SEPTIN3: variants seen among roughly 807,000 people sequenced by gnomAD.
SEPTIN3 encodes the protein neuronal-specific septin-3.
Under a neutral mutation model 45.1 loss-of-function variants are expected in SEPTIN3, and 15 were observed. The observed-to-expected ratio is 0.33, with a 90% CI of 0.22 to 0.51. SEPTIN3 has a LOEUF of 0.51. SEPTIN3 is among the 20% of genes least tolerant of loss of function. The pLI is 0.97. For synonymous variants in SEPTIN3, 148 were observed against 164.8 expected, an observed-to-expected ratio of 0.90 and a Z score of 0.78; for missense variants, 289 against 457.2, an observed-to-expected ratio of 0.63 and a Z score of 3.35.
intron 2 of SEPTIN3, chr22:41,977,097 C>A (rs745454667): frequency 1.3e-6 from 2 of 1,586,770 alleles, no homozygotes; most frequent in East Asian, 4.6e-5. Context: ...GCCAGGCCAC[C>A]GGCACCCGCC....
intron 2 of SEPTIN3, among the ~76,000 whole-genome samples, chr22:41,974,186 A>G (rs2146667867): frequency 6.6e-6 from 1 of 151,844 alleles, no homozygotes; most frequent in Admixed American, 6.5e-5. Flanking sequence ...AACAGGGGTA[A>G]CTTGTGGAGG....
At position 41,994,820 on chromosome 22, in the gene SEPTIN3, CA is replaced by C; in HGVS notation, c.2505+108del. ...ACACACACATCCCAAATACCACCAC[CA>C]ACCACCTTCTTCCTCTCAACTCTGT... On this transcript the variant is annotated intron_variant, in intron 11 of 11. Coordinates refer to ENST00000644076, the MANE Select transcript of SEPTIN3 (RefSeq NM_001363845.2). This position sits in a 1 kb window ranked among gnomAD's most constrained non-coding sequence, Gnocchi z 4.2. 1 of 1,606,402 alleles carries C rather than the reference CA, an allele frequency of 6.2e-7. No homozygotes were observed. Among genetic ancestry groups the C allele is most frequent in the Non-Finnish European group, 8.5e-7 (1 of 1,177,212 alleles).
intron 2 of SEPTIN3, among the ~76,000 whole-genome samples, chr22:41,977,304 G>A (rs1015071367): frequency 3.9e-5 from 6 of 152,050 alleles, no homozygotes; most frequent in African/African-American, 1.4e-4. Context: ...CGCAAGCAGG[G>A]ACCCAGATGC....
At chr22:41,988,019 C>T (rs1385371844) in intron 6 of SEPTIN3, among the ~76,000 whole-genome samples, 2 of 152,204 alleles carry the variant, frequency 1.3e-5, no homozygotes, top group African/African-American at 4.8e-5. Flanking sequence ...GGTGTCCCAG[C>T]AGCATGGCAC....
chr22:41,991,682 G>GCACT lies in SEPTIN3; in HGVS notation c.2259+15_2259+18dup. ...GACAAAATCAGGGTGGGTGCCTGGG[G>GCACT]CACTGCTCCTCCACTGATGCCCCCT... On this transcript the variant is annotated intron_variant, in intron 8 of 11. Coordinates refer to ENST00000644076, the MANE Select transcript of SEPTIN3 (RefSeq NM_001363845.2). 1 of 1,547,976 alleles carries GCACT rather than the reference G, an allele frequency of 6.5e-7. No individual in the cohort carries two copies. Among genetic ancestry groups the GCACT allele is most frequent in the Non-Finnish European group, 8.9e-7 (1 of 1,119,920 alleles).
In SEPTIN3 at chr22:41,972,344, C is replaced by T. The variant is rs1454761912; in HGVS notation, c.852C>T (p.Ala284=). 7 of 399,080 alleles carry T rather than the reference C, an allele frequency of 1.8e-5. No individual in the cohort carries two copies. Among genetic ancestry groups the T allele is most frequent in the Non-Finnish European group, 3.1e-5 (7 of 226,160 alleles). 24.7% of individuals were successfully genotyped at this position (399,080 alleles called of 1,614,324 possible). A position where few individuals can be genotyped will look rare whatever the true frequency, so the allele number is the denominator to read the frequency against. ...TNRPSLAINL[A]TPNTSQLDTG... ...GACCTAGCTTGGCTATCAATTTAGC[C>T]ACACCAAACACATCCCAACTGGACA... The change falls in exon 2 of 12, where the codon GCC becomes GCT. Residue 284 remains alanine (A), a synonymous_variant. Coordinates refer to ENST00000644076, the MANE Select transcript of SEPTIN3 (RefSeq NM_001363845.2).
chr22:41,982,072 C>T (rs61024973), intron 3 of SEPTIN3: 8,534 of 547,280 alleles, frequency 0.016, 408 homozygotes, highest in African/African-American at 0.12. Context: ...GCTCGGTGTA[C>T]ACAGGCAGCC....
At chr22:41,970,317 C>G (rs186150709) in intron 1 of SEPTIN3, among the ~76,000 whole-genome samples, 1 of 152,264 alleles carries the variant, frequency 6.6e-6, no homozygotes, top group Admixed American at 6.5e-5. Context: ...TCATCCTCGA[C>G]ACCTCTTTGT....
rs200580040 is a variant in SEPTIN3 at position 41,981,663 on chromosome 22, C to T, written c.1523C>T (p.Thr508Met). The T allele has an allele frequency of 8.7e-6, 14 of 1,613,070 alleles. No individual in the cohort carries two copies. The highest frequency in any genetic ancestry group is 2.7e-5 in the African/African-American group (2 of 74,890). ...TEYKGLPETRTDAAMSELVPE... is the reference protein window; with the variant it reads ...TEYKGLPETRMDAAMSELVPE... ...TCTGCAGGGCTCCCAGAGACCAGGACGGACGCAGCCATGTCAGAGCTGGTG... is the reference window on the plus strand; with the variant it reads ...TCTGCAGGGCTCCCAGAGACCAGGATGGACGCAGCCATGTCAGAGCTGGTG... Residue 508 changes from threonine to methionine, a missense_variant, in exon 3 of 12, where the codon ACG becomes ATG. Transcript: ENST00000644076.
intron 3 of SEPTIN3, among the ~76,000 whole-genome samples, chr22:41,982,464 C>T (rs1194892422): frequency 3.3e-5 from 5 of 151,790 alleles, no homozygotes; most frequent in East Asian, 1.9e-4. Context: ...GCTGAGATCA[C>T]GCCATTGCAC....
rs2078119334 is a variant in SEPTIN3 at position 41,981,493 on chromosome 22, A to T, written c.1505-152A>T. On this transcript the variant is annotated intron_variant, in intron 2 of 11. Transcript: ENST00000644076. ...CCTCCAGGCCTCAGTCTCTTTGTCT[A>T]TGAAATGAGGGACCTGGACTGGATG... 3 of 608,192 alleles carry T rather than the reference A, an allele frequency of 4.9e-6. No individual in the cohort carries two copies. The South Asian group carries it at 6.8e-5, about 14-fold the overall frequency. 37.7% of individuals were successfully genotyped at this position (608,192 alleles called of 1,614,324 possible).
Position 41,994,648 on chromosome 22 carries a change from G to C in SEPTIN3, c.2439G>C (p.Val813=), listed in dbSNP as rs2078393267. ...CCCACCTCCAGGACCTCAAGGAAGT[G>C]ACACACAACATCCACTATGAGACTT... ...IRTHLQDLKE[V]THNIHYETYR... Residue 813 remains valine, a synonymous_variant, in exon 11 of 12, where the codon GTG becomes GTC. Coordinates refer to ENST00000644076, the MANE Select transcript of SEPTIN3 (RefSeq NM_001363845.2). The surrounding 1 kb of genome is among the most constrained non-coding windows in gnomAD (Gnocchi z 4.2). The C allele has an allele frequency of 6.2e-7, 1 of 1,614,108 alleles. No homozygotes were observed. Among genetic ancestry groups the C allele is most frequent in the African/African-American group, 1.3e-5 (1 of 75,026 alleles).
chr22:41,989,784 C>T (rs888467598), intron 7 of SEPTIN3, 100 bp downstream of exon 7: 1 of 758,496 alleles, frequency 1.3e-6, no homozygotes, highest in Non-Finnish European at 2.3e-6. Flanking sequence ...CCTTCACCCC[C>T]ACCCTCAACC....
intron 3 of SEPTIN3, among the ~76,000 whole-genome samples, chr22:41,983,610 C>G (rs1179308261): frequency 6.6e-6 from 1 of 152,196 alleles, no homozygotes; most frequent in African/African-American, 2.4e-5. Context: ...AGGCAGTGCT[C>G]GTCCACATGC....
chr22:41,973,541 C>T (rs1389496486), intron 2 of SEPTIN3, among the ~76,000 whole-genome samples: 15 of 148,248 alleles, frequency 1.0e-4, no homozygotes, highest in Non-Finnish European at 1.8e-4. Context: ...GACGTGGTGG[C>T]GGGTGCCTGT....
intron 8 of SEPTIN3, 53 bp from the exon 9 acceptor site, chr22:41,992,611 T>C (rs2078336291): frequency 4.1e-6 from 5 of 1,211,270 alleles, no homozygotes; most frequent in Non-Finnish European, 4.7e-6. Context: ...AAGTCCAGGT[T>C]GTTGGAGGAT....
intron 3 of SEPTIN3, 100 bp from the exon 4 acceptor site, chr22:41,985,884 C>A: frequency 7.1e-7 from 1 of 1,414,716 alleles, no homozygotes; most frequent in Non-Finnish European, 9.5e-7. Flanking sequence ...CAAGGTGTGG[C>A]CTGGATCATG....
intron 7 of SEPTIN3, among the ~76,000 whole-genome samples, chr22:41,990,049 C>CTTTTTTTTTTTTTTTTTT (rs753568212): frequency 7.5e-6 from 1 of 133,336 alleles, no homozygotes. Flanking sequence ...GGCATCTTCT[C>CTTTTTTTTTTTTTTTTTT]TTTGTTTTTT....
intron 2 of SEPTIN3, among the ~76,000 whole-genome samples, chr22:41,973,530 G>A (rs1163607039): frequency 1.1e-4 from 16 of 149,286 alleles, no homozygotes; most frequent in South Asian, 6.3e-4. Flanking sequence ...AAAATTAGCC[G>A]GACGTGGTGG....
Sources: gnomAD v4.1 joint callset for allele counts (sites outside exome capture counted in the v4.1 genomes callset) on GRCh38, gnomAD v4.1.1 for gene constraint, Gnocchi (gnomAD v3.1) non-coding constraint, MANE v1.5 for transcripts, NCBI Gene and HGNC (gene_info 2026-07-23, HGNC 2026-07-21) for gene names.